Variants in ZMYM2 observed in about 807,000 individuals in gnomAD.
ZMYM2 encodes zinc finger MYM-type protein 2.
A neutral mutation model predicts 162.8 loss-of-function variants in ZMYM2; 56 were observed. The observed-to-expected ratio is 0.34, with a 90% CI of 0.28 to 0.43. The LOEUF is 0.43. Ranked by LOEUF, ZMYM2 falls within the 20% of genes least tolerant of loss-of-function variation. The pLI is 1.00. For missense variants in ZMYM2, 1,275 were observed against 1,621.8 expected (o/e 0.79, Z 3.67); for synonymous variants, 510 against 541.6 (o/e 0.94, Z 0.81).
In ZMYM2 at chr13:20,019,589, A is replaced by C; in HGVS notation, c.1555A>C (p.Met519Leu). The stretch of plus-strand genomic sequence containing the variant: ...CTTCCTGAAGGAGGTTCGAGATCAC[A>C]TGCAGGACTCTTTCTTAATGCAGCC... ...PSFLKEVRDH[M>L]QDSFLMQPEK... Residue 519 changes from methionine to leucine, a missense_variant, in exon 7 of 25, where the codon ATG (methionine) becomes CTG (leucine). Physicochemically the swap from Met to Leu is conservative, Grantham distance 15. This residue lies in a region of ZMYM2 where 276 missense variants were observed against 311.8 expected (regional missense o/e 0.89). Transcript: ENST00000610343. 6.3e-7 allele frequency: 1 copy of C among 1,598,010 alleles called. No individual in the cohort carries two copies. The highest frequency in any genetic ancestry group is 8.5e-7 in the Non-Finnish European group (1 of 1,171,720).
chr13:19,923,387 G>GA, the ZMYM2 span, among the ~76,000 whole-genome samples: 19 of 125,278 alleles, frequency 1.5e-4, no homozygotes, highest in African/African-American at 5.5e-4. Flanking sequence ...AAAAAAAGGA[G>GA]AAAAAAAGTC....
intron 2 of ZMYM2, among the ~76,000 whole-genome samples, chr13:19,986,088 C>G (rs1949111024): frequency 6.6e-6 from 1 of 151,920 alleles, no homozygotes; most frequent in South Asian, 2.1e-4. Flanking sequence ...ACTCAGGAGT[C>G]TGAGACAGGA....
the ZMYM2 span, among the ~76,000 whole-genome samples, chr13:19,866,674 CTAAA>C: frequency 6.6e-5 from 10 of 152,154 alleles, no homozygotes; most frequent in African/African-American, 2.2e-4. Context: ...CAAAAACTAA[CTAAA>C]TAAATAGGAA....
At chr13:20,028,468 A>G (rs750742234) in intron 9 of ZMYM2, among the ~76,000 whole-genome samples, 1 of 152,178 alleles carries the variant, frequency 6.6e-6, no homozygotes, top group Non-Finnish European at 1.5e-5. Flanking sequence ...TACCCTTTTC[A>G]TTTAATTGAA....
upstream of ZMYM2, among the ~76,000 whole-genome samples, chr13:19,957,747 G>T (rs530948731): frequency 6.6e-6 from 1 of 152,250 alleles, no homozygotes; most frequent in African/African-American, 2.4e-5. Flanking sequence ...AGCACAGGAC[G>T]GCGGCGCCCA....
chr13:19,916,750 A>G, the ZMYM2 span, among the ~76,000 whole-genome samples: 1 of 152,104 alleles, frequency 6.6e-6, no homozygotes, highest in Non-Finnish European at 1.5e-5. Flanking sequence ...ATTCGGAGAA[A>G]TACCTAATGT....
chr13:19,899,816 C>CAAAAAAAAAAAAAAAAAAAAA, the ZMYM2 span, among the ~76,000 whole-genome samples: 2 of 64,988 alleles, frequency 3.1e-5, no homozygotes, highest in African/African-American at 7.3e-5. Context: ...GACTCTGACT[C>CAAAAAAAAAAAAAAAAAAAAA]AAAAAAAAAA....
chr13:20,013,207 CT>C (rs1330252511), intron 6 of ZMYM2, among the ~76,000 whole-genome samples: 5 of 152,064 alleles, frequency 3.3e-5, no homozygotes, highest in Non-Finnish European at 1.5e-5. Flanking sequence ...CCTGTTTATT[CT>C]TTTAATGCTA....
chr13:19,918,781 G>A, the ZMYM2 span, among the ~76,000 whole-genome samples: 1 of 152,060 alleles, frequency 6.6e-6, no homozygotes, highest in Non-Finnish European at 1.5e-5. Flanking sequence ...TTAGAGGCGT[G>A]AGCCACCACA....
At chr13:20,009,454 G>A (rs896271246) in intron 6 of ZMYM2, among the ~76,000 whole-genome samples, 2 of 152,152 alleles carry the variant, frequency 1.3e-5, no homozygotes, top group East Asian at 1.9e-4. Context: ...GTATTTTTAA[G>A]TATATAAGTG....
At chr13:20,031,096 AAAT>A (rs1351781602) in intron 9 of ZMYM2, among the ~76,000 whole-genome samples, 37 of 152,298 alleles carry the variant, frequency 2.4e-4, no homozygotes, top group Non-Finnish European at 4.7e-4. Flanking sequence ...TATTTTAGGT[AAAT>A]AATAATTCTG....
the ZMYM2 span, among the ~76,000 whole-genome samples, chr13:19,867,043 T>C: frequency 5.3e-5 from 8 of 152,160 alleles, no homozygotes; most frequent in Admixed American, 5.2e-4. Flanking sequence ...AACCAAAATT[T>C]ATTTATTCTT....
intron 21 of ZMYM2, among the ~76,000 whole-genome samples, chr13:20,068,780 A>G (rs997213243): frequency 2.0e-5 from 3 of 152,166 alleles, no homozygotes; most frequent in Non-Finnish European, 4.4e-5. Flanking sequence ...ATTATTTTTT[A>G]AAGTGCTGTA....
At chr13:20,055,198 T>C (rs1955693359) in intron 14 of ZMYM2, among the ~76,000 whole-genome samples, 1 of 152,134 alleles carries the variant, frequency 6.6e-6, no homozygotes, top group South Asian at 2.1e-4. Flanking sequence ...CCACATATAC[T>C]GAGAGATAAT....
chr13:19,973,194 C>T (rs1223445378), intron 2 of ZMYM2, among the ~76,000 whole-genome samples: 1 of 151,974 alleles, frequency 6.6e-6, no homozygotes, highest in Non-Finnish European at 1.5e-5. Context: ...ACCTCAGCCT[C>T]CCAAAGTGCT....
chr13:20,043,313 G>A (rs1022018374), intron 12 of ZMYM2, among the ~76,000 whole-genome samples: 1 of 152,224 alleles, frequency 6.6e-6, no homozygotes, highest in Non-Finnish European at 1.5e-5. Context: ...GGTGACAGCA[G>A]GATCCATCCT....
intron 14 of ZMYM2, among the ~76,000 whole-genome samples, chr13:20,057,137 C>CT (rs1955858279): frequency 1.3e-5 from 2 of 152,284 alleles, no homozygotes; most frequent in South Asian, 4.1e-4. Flanking sequence ...AAGTCTAACT[C>CT]TGTCATCCAG....
intron 2 of ZMYM2, among the ~76,000 whole-genome samples, chr13:19,964,616 G>A (rs565762153): frequency 1.3e-5 from 2 of 152,204 alleles, no homozygotes; most frequent in South Asian, 2.1e-4. Context: ...ATTAGTATAA[G>A]TTATCATCTT....
chr13:19,906,132 G>A, the ZMYM2 span, among the ~76,000 whole-genome samples: 6 of 151,444 alleles, frequency 4.0e-5, no homozygotes, highest in South Asian at 4.2e-4. Context: ...AAAATTAGCC[G>A]GGCGTGGTGG....
Sources: allele counts gnomAD v4.1 joint callset (sites outside exome capture counted in the v4.1 genomes callset), GRCh38; gene constraint gnomAD v4.1.1; regional missense constraint gnomAD v4.1.1; transcripts MANE v1.5; gene names NCBI Gene and HGNC (gene_info 2026-07-23, HGNC 2026-07-21).